Variants in MGRN1 observed in about 807,000 individuals in gnomAD.
The protein encoded by MGRN1 is E3 ubiquitin-protein ligase MGRN1.
MGRN1 carries 29 observed loss-of-function variants against 69.2 expected under a neutral mutation model. That is an observed-to-expected ratio of 0.42 (90% confidence interval 0.31 to 0.57). The LOEUF is 0.57. Ranked by LOEUF, MGRN1 falls within the 20% of genes least tolerant of loss-of-function variation. The pLI is 0.15. For missense variants in MGRN1, 998 were observed against 796.2 expected (o/e 1.25, Z -3.05); for synonymous variants, 470 against 344.2 (o/e 1.37, Z -4.04).
intron 2 of MGRN1, among the ~76,000 whole-genome samples, 185 bp from the exon 3 acceptor site, chr16:4,651,778 C>G (rs563829111): frequency 5.3e-5 from 8 of 152,044 alleles, no homozygotes; most frequent in African/African-American, 1.9e-4. Flanking sequence ...CTGGCCGTTG[C>G]GTGTGCTGGC....
chr16:4,657,307 C>T lies in MGRN1; in HGVS notation c.505C>T (p.Gln169Ter), dbSNP rs137991944. Reference protein sequence around the residue: ...ETVHYKRGVSQQFSLPSFKID... With the variant: ...ETVHYKRGVS Reference sequence around the variant, plus strand: ...CGTCCACTACAAGAGAGGGGTGAGCCAGCAGTTCTCCCTGCCCTCCTTCAA... The same window carrying T: ...CGTCCACTACAAGAGAGGGGTGAGCTAGCAGTTCTCCCTGCCCTCCTTCAA... The change falls in exon 5 of 17, where the codon CAG (glutamine) becomes TAG (stop). Residue 169 changes from glutamine (Q) to a stop codon, truncating the protein, a stop_gained. Coordinates refer to ENST00000262370, the MANE Select transcript of MGRN1 (RefSeq NM_015246.4). LOFTEE classifies it high-confidence loss of function. The T allele has an allele frequency of 6.2e-7, 1 of 1,614,194 alleles. No homozygotes were observed. The highest frequency in any genetic ancestry group is 2.2e-5 in the East Asian group (1 of 44,886).
In MGRN1 at chr16:4,652,828, A is replaced by C; in HGVS notation, c.443+4A>C. ...AGTTCCTGAACGGCAGGGCAGTGTG[A>C]GTCCCGCGGGCGGCTGGCACCGGCC... On this transcript the variant is annotated splice_donor_region_variant and intron_variant, in intron 4 of 16. Coordinates refer to ENST00000262370, the MANE Select transcript of MGRN1 (RefSeq NM_015246.4). 6.3e-7 allele frequency: 1 copy of C among 1,594,846 alleles called. No homozygotes were observed. The highest frequency in any genetic ancestry group is 1.1e-5 in the South Asian group (1 of 88,952).
At chr16:4,677,316 G>GAA in intron 10 of MGRN1, 147 bp from the exon 11 acceptor site, 6 of 429,786 alleles carry the variant, frequency 1.4e-5, no homozygotes, top group South Asian at 9.4e-5. Flanking sequence ...AAAACTAAAA[G>GAA]AAAAAAAAAA....
At chr16:4,627,979 C>G (rs1897774518) in intron 1 of MGRN1, among the ~76,000 whole-genome samples, 1 of 142,970 alleles carries the variant, frequency 7.0e-6, no homozygotes, top group Non-Finnish European at 1.5e-5. Context: ...ACTCAGGAAG[C>G]TGAGGCAGGA....
chr16:4,656,573 C>G (rs1203807470), intron 4 of MGRN1, among the ~76,000 whole-genome samples: 1 of 152,156 alleles, frequency 6.6e-6, no homozygotes, highest in African/African-American at 2.4e-5. Context: ...TACTTAAGTA[C>G]TGTGTTCATT....
chr16:4,663,822 C>T (rs2078738459), intron 5 of MGRN1, among the ~76,000 whole-genome samples: 1 of 152,178 alleles, frequency 6.6e-6, no homozygotes, highest in Non-Finnish European at 1.5e-5. Context: ...GGGCTGACTG[C>T]TGGGGCCCTG....
chr16:4,650,005 T>G, intron 1 of MGRN1: 2 of 182,298 alleles, frequency 1.1e-5, no homozygotes, highest in Non-Finnish European at 1.2e-5. Context: ...AGCCTCAGAG[T>G]CGATAACTGT....
chr16:4,665,183 G>T (rs1199441739), intron 7 of MGRN1, 32 bp downstream of exon 7: 1 of 1,612,792 alleles, frequency 6.2e-7, no homozygotes, highest in Admixed American at 1.7e-5. Context: ...CTTTCCCGGG[G>T]ACCTGGGAGC....
rs200448887 is a variant in MGRN1 at position 4,673,509 on chromosome 16, C to T, written c.807C>T (p.Asp269=). 1.9e-5 allele frequency: 30 copies of T among 1,612,922 alleles called. No individual in the cohort carries two copies. The highest frequency in any genetic ancestry group is 3.3e-5 in the Admixed American group (2 of 59,998). The part of the protein sequence containing the change: ...KNNQETKPSD[D]ENSDNSNECV... ...CCTTGTCCCGGCAGCCCTCGGACGA[C>T]GAGAACAGCGACAACAGCAACGAGT... The change falls in exon 10 of 17, where the codon GAC becomes GAT. Residue 269 remains aspartate, a synonymous_variant. Transcript: ENST00000262370.
Position 4,671,422 on chromosome 16 carries a change from T to C in MGRN1, c.758T>C (p.Ile253Thr). The change falls in exon 9 of 17, where the codon ATC (isoleucine) becomes ACC (threonine). Residue 253 changes from isoleucine to threonine, a missense_variant. Transcript: ENST00000262370. ...CGGGTCAGCTACCTCCTGCAGGAGA[T>C]CTATGGCATTGAGAACAAGAACAAC... The part of the protein sequence containing the change: ...VDRVSYLLQE[I>T]YGIENKNNQE... 6.2e-7 allele frequency: 1 copy of C among 1,613,978 alleles called. No individual in the cohort carries two copies. Among genetic ancestry groups the C allele is most frequent in the Non-Finnish European group, 8.5e-7 (1 of 1,179,960 alleles).
At chr16:4,659,454 G>A (rs971230251) in intron 5 of MGRN1, among the ~76,000 whole-genome samples, 3 of 152,202 alleles carry the variant, frequency 2.0e-5, no homozygotes, top group East Asian at 1.9e-4. Flanking sequence ...TGAGGTGGCC[G>A]GGGTAGGGGA....
At chr16:4,631,314 C>T (rs1454014226) in intron 1 of MGRN1, among the ~76,000 whole-genome samples, 2 of 152,182 alleles carry the variant, frequency 1.3e-5, no homozygotes, top group Non-Finnish European at 2.9e-5. Flanking sequence ...GACCATGTCT[C>T]TTAAAAATCA....
At chr16:4,653,539 C>T (rs141531197) in intron 4 of MGRN1, among the ~76,000 whole-genome samples, 3,755 of 152,160 alleles carry the variant, frequency 0.025, 65 homozygotes, top group South Asian at 0.041. Context: ...CCCAGGCTGG[C>T]GTGCAGTGGC....
At chr16:4,676,293 G>A (rs1251701759) in intron 10 of MGRN1, among the ~76,000 whole-genome samples, 1 of 152,210 alleles carries the variant, frequency 6.6e-6, no homozygotes, top group Non-Finnish European at 1.5e-5. Context: ...GGACCAGGAA[G>A]TGGGGGCAGG....
At chr16:4,639,586 C>G (rs774856407) in intron 1 of MGRN1, among the ~76,000 whole-genome samples, 1 of 152,198 alleles carries the variant, frequency 6.6e-6, no homozygotes, top group Admixed American at 6.5e-5. Flanking sequence ...GGCATCCTGT[C>G]CCCAGATGCA....
At chr16:4,654,932 G>C (rs1198273229) in intron 4 of MGRN1, among the ~76,000 whole-genome samples, 2 of 152,246 alleles carry the variant, frequency 1.3e-5, no homozygotes, top group Non-Finnish European at 2.9e-5. Context: ...TTTGTTCTTT[G>C]AGGCTCTACC....
chr16:4,655,575 C>G (rs983749475), intron 4 of MGRN1, among the ~76,000 whole-genome samples: 1 of 152,052 alleles, frequency 6.6e-6, no homozygotes, highest in African/African-American at 2.4e-5. Flanking sequence ...TGCCACTGTC[C>G]CCCTCTCTCA....
At chr16:4,660,105 C>T (rs1596292882) in intron 5 of MGRN1, among the ~76,000 whole-genome samples, 1 of 152,238 alleles carries the variant, frequency 6.6e-6, no homozygotes, top group Non-Finnish European at 1.5e-5. Flanking sequence ...AGCGCAGCTG[C>T]AAGGACAGGC....
At chr16:4,647,054 C>A (rs1286569398) in intron 1 of MGRN1, among the ~76,000 whole-genome samples, 8 of 152,250 alleles carry the variant, frequency 5.3e-5, no homozygotes, top group Non-Finnish European at 1.2e-4. Context: ...AAGGGTGCCC[C>A]CGACGATGGG....
Sources: allele counts gnomAD v4.1 joint callset (sites outside exome capture counted in the v4.1 genomes callset), GRCh38; gene constraint gnomAD v4.1.1; transcripts MANE v1.5; gene names NCBI Gene and HGNC (gene_info 2026-07-23, HGNC 2026-07-21).